ARID1B: variants seen among roughly 807,000 people sequenced by gnomAD.
The protein encoded by ARID1B is AT-rich interactive domain-containing protein 1B.
ARID1B carries 30 observed loss-of-function variants against 212.3 expected under a neutral mutation model. The observed-to-expected ratio is 0.14, with a 90% CI of 0.11 to 0.19. The LOEUF (loss-of-function observed/expected upper bound fraction) is 0.19. Among genes scored for constraint, ARID1B ranks in the 10% least tolerant of loss-of-function variants. The pLI is 1.00. For missense variants in ARID1B, 2,891 were observed against 3,204.0 expected, an observed-to-expected ratio of 0.90 and a Z score of 2.36; for synonymous variants, 1,402 against 1,301.7, an observed-to-expected ratio of 1.08 and a Z score of -1.66.
At chr6:156,941,797 G>GA (rs976697426) in intron 4 of ARID1B, 2 of 152,036 alleles carry the variant, frequency 1.3e-5, no homozygotes, top group Admixed American at 6.5e-5. Flanking sequence ...ATTCTTCCAG[G>GA]AAAAAACAGG....
Position 157,104,057 on chromosome 6 carries a change from G to A in ARID1B, c.2492-6415G>A, listed in dbSNP as rs190588303. ...TCACCATGTTGGCCAGGCTGGTCTCGAACTCCTGACCTCGTGATCCACCCG... is the reference window on the plus strand; with the variant it reads ...TCACCATGTTGGCCAGGCTGGTCTCAAACTCCTGACCTCGTGATCCACCCG... On this transcript the variant is annotated intron_variant, in intron 5 of 19. Transcript: ENST00000636930. 1.3e-3 allele frequency among the ~76,000 whole-genome samples: 202 copies of A among 151,920 alleles called. 1 individual carries two copies. The highest frequency in any genetic ancestry group is 4.7e-3 in the African/African-American group (195 of 41,416).
chr6:157,012,814 A>G (rs1779694039), intron 4 of ARID1B, among the ~76,000 whole-genome samples: 1 of 152,216 alleles, frequency 6.6e-6, no homozygotes, highest in African/African-American at 2.4e-5. Flanking sequence ...AATGTGCGCA[A>G]ATAATAGGAA....
intron 2 of ARID1B, among the ~76,000 whole-genome samples, chr6:156,888,896 G>A (rs1787721670): frequency 6.6e-6 from 1 of 152,102 alleles, no homozygotes; most frequent in African/African-American, 2.4e-5. Context: ...TGTATATTTG[G>A]TATGGAAAAT....
intron 4 of ARID1B, among the ~76,000 whole-genome samples, chr6:157,025,868 CT>C (rs1780625782): frequency 1.1e-5 from 1 of 89,250 alleles, no homozygotes; most frequent in South Asian, 2.7e-4. Context: ...CTGCATTTAC[CT>C]TTGTAAGAAA....
rs543493577 is a variant in ARID1B at position 157,210,641 on chromosome 6, T to A, written c.*2750T>A. 4.4e-6 allele frequency: 1 copy of A among 226,848 alleles called. No homozygotes were observed. Among genetic ancestry groups the A allele is most frequent in the Non-Finnish European group, 8.6e-6 (1 of 116,910 alleles). 14.1% of individuals were successfully genotyped at this position (226,848 alleles called of 1,614,324 possible). A position where few individuals can be genotyped will look rare whatever the true frequency, so the allele number is the denominator to read the frequency against. ...GTTATTGCTTTGTCCTAAAAATTAGTCGGTTTTTTTTTTTCTATGAGGCTT... is the reference window on the plus strand; with the variant it reads ...GTTATTGCTTTGTCCTAAAAATTAGACGGTTTTTTTTTTTCTATGAGGCTT... On this transcript the variant is annotated 3_prime_UTR_variant, in exon 20 of 20. Coordinates refer to ENST00000636930, the MANE Select transcript of ARID1B (RefSeq NM_001374828.1).
At chr6:157,172,746 C>T (rs1190784635) in intron 9 of ARID1B, 1 of 152,036 alleles carries the variant, frequency 6.6e-6, no homozygotes, top group Admixed American at 6.5e-5. Flanking sequence ...CATAGTAATA[C>T]ATGAATATGT....
chr6:156,895,732 G>A (rs1788325619), intron 2 of ARID1B, among the ~76,000 whole-genome samples: 1 of 145,880 alleles, frequency 6.9e-6, no homozygotes, highest in African/African-American at 2.8e-5. Context: ...ATATACAGGT[G>A]TATACACACA....
intron 1 of ARID1B, among the ~76,000 whole-genome samples, chr6:156,824,873 T>C (rs1277667853): frequency 5.3e-5 from 8 of 152,032 alleles, no homozygotes; most frequent in Non-Finnish European, 7.4e-5. Flanking sequence ...ATTTTTTTTT[T>C]TTTCTTTGAG....
At chr6:156,884,817 T>C (rs893081441) in intron 2 of ARID1B, among the ~76,000 whole-genome samples, 1 of 152,218 alleles carries the variant, frequency 6.6e-6, no homozygotes, top group African/African-American at 2.4e-5. Context: ...TGTGAGTGAT[T>C]ATTGAATGTA....
At chr6:157,147,835 G>A (rs1326642394) in intron 7 of ARID1B, among the ~76,000 whole-genome samples, 1 of 7,948 alleles carries the variant, frequency 1.3e-4, no homozygotes, top group African/African-American at 5.4e-4. Flanking sequence ...CCCCACCCCC[G>A]CCTCCGGCCC....
intron 3 of ARID1B, among the ~76,000 whole-genome samples, chr6:156,908,323 T>G (rs1190263428): frequency 3.9e-5 from 6 of 152,248 alleles, no homozygotes; most frequent in Non-Finnish European, 5.9e-5. Context: ...TTTCATATAA[T>G]TTTTCAACTT....
At chr6:157,138,389 C>A (rs904430797) in intron 7 of ARID1B, among the ~76,000 whole-genome samples, 1 of 152,148 alleles carries the variant, frequency 6.6e-6, no homozygotes, top group African/African-American at 2.4e-5. Context: ...ACATGCACCC[C>A]ACGCCGGGCT....
chr6:156,988,501 C>T (rs1213483621), intron 4 of ARID1B, among the ~76,000 whole-genome samples: 2 of 152,108 alleles, frequency 1.3e-5, no homozygotes, highest in Non-Finnish European at 2.9e-5. Context: ...CCTGGCCACT[C>T]CTTCCATAGT....
At chr6:157,066,856 A>C (rs1783705495) in intron 4 of ARID1B, among the ~76,000 whole-genome samples, 1 of 152,208 alleles carries the variant, frequency 6.6e-6, no homozygotes, top group African/African-American at 2.4e-5. Context: ...AGTTTTTTAA[A>C]ATTTCTTTCT....
intron 4 of ARID1B, among the ~76,000 whole-genome samples, chr6:157,026,927 G>A (rs888614980): frequency 6.6e-6 from 1 of 152,158 alleles, no homozygotes; most frequent in African/African-American, 2.4e-5. Context: ...CTCTTACAGA[G>A]TGTCCTGTAT....
intron 2 of ARID1B, among the ~76,000 whole-genome samples, chr6:156,840,324 T>G (rs916397302): frequency 6.6e-6 from 1 of 152,242 alleles, no homozygotes; most frequent in East Asian, 1.9e-4. Flanking sequence ...TCCCACTGCC[T>G]CCTGCCCTGT....
At chr6:156,881,442 G>A (rs758227033) in intron 2 of ARID1B, among the ~76,000 whole-genome samples, 3 of 152,144 alleles carry the variant, frequency 2.0e-5, no homozygotes, top group Admixed American at 6.5e-5. Context: ...ATATATGTAT[G>A]TATACAATGT....
intron 5 of ARID1B, among the ~76,000 whole-genome samples, chr6:157,098,736 GAC>G (rs1785838373): frequency 6.6e-6 from 1 of 152,152 alleles, no homozygotes; most frequent in South Asian, 2.1e-4. Flanking sequence ...TATCCACAAA[GAC>G]ACAGTTTTTA....
chr6:157,158,199 A>T (rs1362763949), intron 8 of ARID1B, among the ~76,000 whole-genome samples: 1 of 152,208 alleles, frequency 6.6e-6, no homozygotes, highest in East Asian at 1.9e-4. Context: ...AAAGAACTAT[A>T]GCTTTGCTCA....
Sources: gnomAD v4.1 joint callset for allele counts (sites outside exome capture counted in the v4.1 genomes callset) on GRCh38, gnomAD v4.1.1 for gene constraint, MANE v1.5 for transcripts, NCBI Gene and HGNC (gene_info 2026-07-23, HGNC 2026-07-21) for gene names.